The following RPS6KB1 variants were observed in gnomAD, a reference collection of about 807,000 sequenced individuals.
The protein encoded by RPS6KB1 is ribosomal protein S6 kinase B1.
In RPS6KB1, 12 loss-of-function variants were observed where a neutral mutation model predicts 70.2. The observed-to-expected ratio is 0.17, with a 90% CI of 0.11 to 0.28. The LOEUF is 0.28. Among genes scored for constraint, RPS6KB1 ranks in the 10% least tolerant of loss-of-function variants. The probability of loss-of-function intolerance (pLI) is 1.00; values close to 1 mark genes in which losing one functional copy is unlikely to be tolerated. For missense variants in RPS6KB1, 270 were observed against 646.6 expected, an observed-to-expected ratio of 0.42 and a Z score of 6.32; for synonymous variants, 175 against 211.2, an observed-to-expected ratio of 0.83 and a Z score of 1.49.
At chr17:59,924,119 C>A (rs986498882) in intron 4 of RPS6KB1, among the ~76,000 whole-genome samples, 1 of 151,994 alleles carries the variant, frequency 6.6e-6, no homozygotes, top group Non-Finnish European at 1.5e-5. Context: ...GGATCATGAG[C>A]TCAGTTCGAA....
At chr17:59,903,273 C>G (rs183872951) in intron 1 of RPS6KB1, among the ~76,000 whole-genome samples, 1 of 151,506 alleles carries the variant, frequency 6.6e-6, no homozygotes, top group African/African-American at 2.4e-5. Context: ...CCACTGCACT[C>G]CAGCCTGGGC....
intron 4 of RPS6KB1, among the ~76,000 whole-genome samples, chr17:59,922,550 CCTT>C (rs1568450299): frequency 7.4e-6 from 1 of 135,902 alleles, no homozygotes; most frequent in African/African-American, 2.9e-5. Flanking sequence ...TTTTTATACT[CCTT>C]TTTTTTTTTT....
intron 2 of RPS6KB1, among the ~76,000 whole-genome samples, chr17:59,911,112 G>A (rs368606994): frequency 5.3e-5 from 8 of 152,224 alleles, no homozygotes; most frequent in South Asian, 4.1e-4. Context: ...GCGAAACCCC[G>A]TCTCTTCTTA....
Position 59,947,212 on chromosome 17 carries a change from C to T in RPS6KB1, c.*424C>T, listed in dbSNP as rs2044977912. 1.9e-6 allele frequency: 2 copies of T among 1,028,552 alleles called. No homozygotes were observed. Among genetic ancestry groups the T allele is most frequent in the Admixed American group, 1.1e-4 (2 of 18,604 alleles). The allele number at this position is 1,028,552 out of a possible 1,614,324, so 63.7% of individuals were successfully genotyped here. ...AACTAAGGACAAATTAGCATGCAAG[C>T]TTGGTCAAACTTTTTCCAGCAAAAT... is the stretch of plus-strand genomic sequence containing the variant. On this transcript the variant is annotated 3_prime_UTR_variant, in exon 15 of 15. Coordinates refer to ENST00000225577, the MANE Select transcript of RPS6KB1 (RefSeq NM_003161.4).
chr17:59,939,401 C>T (rs991883756), intron 12 of RPS6KB1, among the ~76,000 whole-genome samples: 7 of 152,078 alleles, frequency 4.6e-5, no homozygotes, highest in African/African-American at 1.7e-4. Flanking sequence ...CCCACCTCAC[C>T]CTCTTGAGTA....
intron 4 of RPS6KB1, among the ~76,000 whole-genome samples, chr17:59,918,606 G>A (rs2043097178): frequency 6.6e-6 from 1 of 151,956 alleles, no homozygotes; most frequent in South Asian, 2.1e-4. Context: ...CTGACCTCAG[G>A]CAAAACGTCC....
intron 2 of RPS6KB1, chr17:59,912,422 C>A (rs1348092472): frequency 2.5e-5 from 8 of 323,212 alleles, no homozygotes; most frequent in Non-Finnish European, 4.8e-5. Flanking sequence ...AACCATAGTA[C>A]CCCTTTATGC....
rs750982419 is a variant in RPS6KB1 at position 59,893,163 on chromosome 17, T to TGGCTGCGGC, written c.-19_-11dup. On this transcript the variant is annotated 5_prime_UTR_variant, in exon 1 of 15. Coordinates refer to ENST00000225577, the MANE Select transcript of RPS6KB1 (RefSeq NM_003161.4). The surrounding 1 kb of genome is among the most constrained non-coding windows in gnomAD (Gnocchi z 4.1). ...CCGGTGATGGCGGCAGCGGCTGTGG[T>TGGCTGCGGC]GGCTGCGGCGGGTCCGGGCCCATGA... is the stretch of plus-strand genomic sequence containing the variant. 1.4e-5 allele frequency: 23 copies of TGGCTGCGGC among 1,600,590 alleles called. No homozygotes were observed. The highest frequency in any genetic ancestry group is 2.0e-5 in the Non-Finnish European group (23 of 1,174,726).
At chr17:59,943,653 C>T (rs947217233) in intron 13 of RPS6KB1, among the ~76,000 whole-genome samples, 5 of 151,548 alleles carry the variant, frequency 3.3e-5, no homozygotes, top group Non-Finnish European at 5.9e-5. Context: ...CTGAGGTGGG[C>T]GGATCACAAG....
intron 7 of RPS6KB1, among the ~76,000 whole-genome samples, chr17:59,933,855 AT>A (rs2044086386): frequency 6.6e-6 from 1 of 152,086 alleles, no homozygotes; most frequent in African/African-American, 2.4e-5. Flanking sequence ...TTTTCCCAGG[AT>A]TTTTCTTTTT....
At position 59,893,914 on chromosome 17, in the gene RPS6KB1, A is replaced by C; in HGVS notation, c.141+589A>C. On this transcript the variant is annotated intron_variant, in intron 1 of 14. Transcript: ENST00000225577. The surrounding 1 kb of genome is among the most constrained non-coding windows in gnomAD (Gnocchi z 4.1). ...GCAAGGGGGCTCTGCTGCATCTTCC[A>C]ATCTTCCAGGGTTTGTTTGTTTGCT... is the stretch of plus-strand genomic sequence containing the variant. The C allele has an allele frequency of 1.0e-6, 1 of 982,296 alleles. No individual in the cohort carries two copies. Among genetic ancestry groups the C allele is most frequent in the Non-Finnish European group, 1.2e-6 (1 of 829,438 alleles). 60.8% of individuals were successfully genotyped at this position (982,296 alleles called of 1,614,324 possible). A position where few individuals can be genotyped will look rare whatever the true frequency, so the allele number is the denominator to read the frequency against.
chr17:59,924,723 T>C (rs2043492736), intron 4 of RPS6KB1, among the ~76,000 whole-genome samples: 1 of 151,974 alleles, frequency 6.6e-6, no homozygotes, highest in Non-Finnish European at 1.5e-5. Flanking sequence ...TTCCCCTTTC[T>C]TGTACAAAAG....
intron 4 of RPS6KB1, among the ~76,000 whole-genome samples, chr17:59,917,794 T>G (rs568278223): frequency 6.6e-6 from 1 of 152,032 alleles, no homozygotes; most frequent in South Asian, 2.1e-4. Context: ...AATTTTCTTA[T>G]GTGATTTATT....
chr17:59,926,296 C>G lies in RPS6KB1; in HGVS notation c.382-139C>G, dbSNP rs1208917505. 9.2e-6 allele frequency: 6 copies of G among 653,630 alleles called. No individual in the cohort carries two copies. In the African/African-American group the frequency reaches 1.1e-4, roughly 12 times the overall value. 40.5% of individuals were successfully genotyped at this position (653,630 alleles called of 1,614,324 possible). ...TATAAAGTGAATGTTTTCCATTACC[C>G]CATCTCAGTTTCTAGTGGGAACTAT... is the stretch of plus-strand genomic sequence containing the variant. On this transcript the variant is annotated intron_variant, in intron 4 of 14. Coordinates refer to ENST00000225577, the MANE Select transcript of RPS6KB1 (RefSeq NM_003161.4).
At chr17:59,904,322 G>A (rs1268803277) in intron 1 of RPS6KB1, among the ~76,000 whole-genome samples, 2 of 147,062 alleles carry the variant, frequency 1.4e-5, no homozygotes, top group Non-Finnish European at 3.0e-5. Context: ...CTCATGATCC[G>A]CCCTCCTTGG....
intron 1 of RPS6KB1, among the ~76,000 whole-genome samples, chr17:59,905,930 A>G (rs2042239811): frequency 6.6e-6 from 1 of 152,046 alleles, no homozygotes; most frequent in Non-Finnish European, 1.5e-5. Flanking sequence ...AGCTGGGACT[A>G]CAGGCATACA....
intron 1 of RPS6KB1, among the ~76,000 whole-genome samples, chr17:59,909,054 G>A (rs1021654615): frequency 2.7e-5 from 4 of 150,048 alleles, no homozygotes; most frequent in African/African-American, 9.8e-5. Flanking sequence ...ATCCTCCCGA[G>A]TAGCTGGCAT....
In RPS6KB1 at chr17:59,945,504, A is replaced by G. The variant is rs1306562391; in HGVS notation, c.1326A>G (p.Pro442=). The G allele has an allele frequency of 6.3e-7, 1 of 1,595,134 alleles. No individual in the cohort carries two copies. The highest frequency in any genetic ancestry group is 1.1e-5 in the South Asian group (1 of 90,592). ...IRSPRRFIGS[P]RTPVSPVKFS... ...CACCTCGAAGATTTATTGGCAGCCC[A>G]CGAACACCTGTCAGGTATTTCACAC... Residue 442 remains proline (P), a synonymous_variant, in exon 14 of 15, where the codon CCA becomes CCG. Transcript: ENST00000225577.
At position 59,946,914 on chromosome 17, in the gene RPS6KB1, A is replaced by G. The variant is rs180515; in HGVS notation, c.*126A>G. ...TCAATGTCATTACATAGAACACTTC[A>G]GACACAGGAAAAATAAACGTGGATT... is the stretch of plus-strand genomic sequence containing the variant. On this transcript the variant is annotated 3_prime_UTR_variant, in exon 15 of 15. Coordinates refer to ENST00000225577, the MANE Select transcript of RPS6KB1 (RefSeq NM_003161.4). This position sits in a 1 kb window ranked among gnomAD's most constrained non-coding sequence, Gnocchi z 4.2. 532,595 of 1,509,254 alleles carry G rather than the reference A, an allele frequency of 0.35. 95,242 individuals carry two copies. The highest frequency in any genetic ancestry group is 0.46 in the East Asian group (19,993 of 43,728). 93.5% of individuals were successfully genotyped at this position (1,509,254 alleles called of 1,614,324 possible). A position where few individuals can be genotyped will look rare whatever the true frequency, so the allele number is the denominator to read the frequency against.
Sources: gnomAD v4.1 joint callset for allele counts (sites outside exome capture counted in the v4.1 genomes callset) on GRCh38, gnomAD v4.1.1 for gene constraint, Gnocchi (gnomAD v3.1) non-coding constraint, MANE v1.5 for transcripts, NCBI Gene and HGNC (gene_info 2026-07-23, HGNC 2026-07-21) for gene names.